RAG1: variants seen among roughly 807,000 people sequenced by gnomAD.
The protein encoded by RAG1 is V(D)J recombination-activating protein 1.
A neutral mutation model predicts 62.7 loss-of-function variants in RAG1; 35 were observed. The ratio of observed to expected loss-of-function variants is 0.56; its 90% CI spans 0.43 to 0.74. The LOEUF is 0.74. Ranked by LOEUF, RAG1 falls within the 30% of genes least tolerant of loss-of-function variation. RAG1 has a pLI of 0.00. For synonymous variants in RAG1, 461 were observed against 470.3 expected, an observed-to-expected ratio of 0.98 and a Z score of 0.26; for missense variants, 1,169 against 1,278.6, an observed-to-expected ratio of 0.91 and a Z score of 1.31.
intron 3 of RAG1, among the ~76,000 whole-genome samples, chr11:36,550,551 G>A (rs530977504): frequency 7.2e-5 from 11 of 152,096 alleles, no homozygotes; most frequent in Non-Finnish European, 1.6e-4. Flanking sequence ...TTATGGTTTT[G>A]AGGGTTAGAT....
At position 36,576,068 on chromosome 11, in the gene RAG1, C is replaced by T; in HGVS notation, c.2764C>T (p.Leu922Phe). ...TTTCAATTCACAGCGTTTTGCTGAGCTCCTTTCTACGAAGTTCAAGTATAG... is the reference window on the plus strand; with the variant it reads ...TTTCAATTCACAGCGTTTTGCTGAGTTCCTTTCTACGAAGTTCAAGTATAG... The part of the protein sequence containing the change: ...YSFNSQRFAE[L>F]LSTKFKYRYE... The change falls in exon 2 of 2, where the codon CTC (leucine) becomes TTC (phenylalanine). Residue 922 changes from leucine to phenylalanine, a missense_variant. By Grantham distance (22) the Leu-to-Phe change is conservative (BLOSUM62 0). This residue lies in a region of RAG1 where 800 missense variants were observed against 943.3 expected (regional missense o/e 0.85). Transcript: ENST00000299440. 1.2e-6 allele frequency: 2 copies of T among 1,614,064 alleles called. No individual in the cohort carries two copies. Among genetic ancestry groups the T allele is most frequent in the Non-Finnish European group, 1.7e-6 (2 of 1,180,034 alleles).
At chr11:36,566,075 G>T (rs1478132867), upstream of RAG1, among the ~76,000 whole-genome samples, 1 of 151,996 alleles carries the variant, frequency 6.6e-6, no homozygotes, top group Non-Finnish European at 1.5e-5. Flanking sequence ...TGTTAAATAT[G>T]ATTTGAAGAG....
At position 36,574,324 on chromosome 11, in the gene RAG1, G is replaced by A. The variant is rs766653036; in HGVS notation, c.1020G>A (p.Leu340=). Residue 340 remains leucine, a synonymous_variant, in exon 2 of 2, where the codon CTG becomes CTA. Coordinates refer to ENST00000299440, the MANE Select transcript of RAG1 (RefSeq NM_000448.3). ...SCRYPCFPTD[L]ESPVKSFLSV... is the part of the protein sequence containing the mutation. The stretch of plus-strand genomic sequence containing the variant: ...GATATCCATGCTTCCCTACTGACCT[G>A]GAGAGTCCAGTGAAGTCCTTTCTGA... 2 of 1,614,214 alleles carry A rather than the reference G, an allele frequency of 1.2e-6. No individual in the cohort carries two copies. Among genetic ancestry groups the A allele is most frequent in the Non-Finnish European group, 1.7e-6 (2 of 1,180,040 alleles).
At chr11:36,529,383 C>T (rs12274959) in intron 2 of RAG1, among the ~76,000 whole-genome samples, 4,119 of 152,078 alleles carry the variant, frequency 0.027, 189 homozygotes, top group African/African-American at 0.094. Flanking sequence ...ACAGAACCAA[C>T]GACAAAAACC....
rs528687977 is a variant in RAG1 at position 36,546,085 on chromosome 11, T to C, written c.-412+10051T>C. On this transcript the variant is annotated intron_variant and NMD_transcript_variant, in intron 3 of 9. Transcript: ENST00000534663. ...GATTTGGGGTGGAGAGTTCTGTAGA[T>C]GTCTATTAGGTCCACTTGGTCCAGA... 7.9e-5 allele frequency among the ~76,000 whole-genome samples: 12 copies of C among 152,324 alleles called. No homozygotes were observed. In the East Asian group the frequency reaches 1.5e-3, roughly 20 times the overall value.
chr11:36,541,402 A>G (rs1860415630), intron 3 of RAG1, among the ~76,000 whole-genome samples: 1 of 152,244 alleles, frequency 6.6e-6, no homozygotes, highest in Non-Finnish European at 1.5e-5. Context: ...TTTCACATGG[A>G]CATATATTAA....
intron 1 of RAG1, among the ~76,000 whole-genome samples, chr11:36,570,254 A>G (rs1850721405): frequency 6.6e-6 from 1 of 152,202 alleles, no homozygotes; most frequent in African/African-American, 2.4e-5. Context: ...TAGGTATTTT[A>G]TACCAATTTA....
chr11:36,518,649 C>G (rs1394291581), intron 1 of RAG1, among the ~76,000 whole-genome samples: 2 of 152,132 alleles, frequency 1.3e-5, no homozygotes, highest in Middle Eastern at 3.2e-3. Context: ...CTTTTGAGAA[C>G]TGTCTGTTCA....
chr11:36,533,592 T>C (rs1339525242), intron 2 of RAG1, among the ~76,000 whole-genome samples: 1 of 151,914 alleles, frequency 6.6e-6, no homozygotes. Flanking sequence ...CTCTTCCTTT[T>C]CATGGATTAT....
chr11:36,575,778 C>T lies in RAG1; in HGVS notation c.2474C>T (p.Ser825Phe). 1 of 1,614,160 alleles carries T rather than the reference C, an allele frequency of 6.2e-7. No homozygotes were observed. The change falls in exon 2 of 2, where the codon TCC (serine) becomes TTC (phenylalanine). Residue 825 changes from serine to phenylalanine, a missense_variant. Physicochemically the swap from Ser to Phe is radical, Grantham distance 155. This residue lies in a region of RAG1 where 800 missense variants were observed against 943.3 expected (regional missense o/e 0.85). Transcript: ENST00000299440. The surrounding 1 kb of genome is among the most constrained non-coding windows in gnomAD (Gnocchi z 4.1). Reference sequence around the variant, plus strand: ...GAAGTGTATAAGAATCCCAATGCTTCCAAAGAGGAAAGGAAAAGGTGGCAG... The same window carrying T: ...GAAGTGTATAAGAATCCCAATGCTTTCAAAGAGGAAAGGAAAAGGTGGCAG... ...IGEVYKNPNA[S>F]KEERKRWQAT...
At chr11:36,529,399 A>G (rs1860216392) in intron 2 of RAG1, among the ~76,000 whole-genome samples, 1 of 152,186 alleles carries the variant, frequency 6.6e-6, no homozygotes, top group South Asian at 2.1e-4. Context: ...AAACCACATG[A>G]TTATGTCAAT....
chr11:36,545,658 G>T (rs771851141), intron 3 of RAG1, among the ~76,000 whole-genome samples: 13 of 152,128 alleles, frequency 8.5e-5, no homozygotes, highest in Admixed American at 2.0e-4. Flanking sequence ...GGATCACTTT[G>T]TACTTTTTCC....
At chr11:36,527,573 T>C (rs1564976765) in intron 2 of RAG1, among the ~76,000 whole-genome samples, 2 of 152,186 alleles carry the variant, frequency 1.3e-5, no homozygotes, top group Non-Finnish European at 2.9e-5. Flanking sequence ...GCGGGCTCTT[T>C]TTTGGTTCCA....
Position 36,568,973 on chromosome 11 carries a change from G to A in RAG1, c.-15+851G>A, listed in dbSNP as rs183093085. On this transcript the variant is annotated intron_variant, in intron 1 of 1. Coordinates refer to ENST00000299440, the MANE Select transcript of RAG1 (RefSeq NM_000448.3). ...TAGTATTTGCAGAGTGAATGAATAA[G>A]TGGAACAGGTGTGATAATGAGAGGT... Among the ~76,000 whole-genome samples, 492 of 152,316 alleles carry A rather than the reference G, an allele frequency of 3.2e-3. 4 individuals carry two copies. The highest frequency in any genetic ancestry group is 4.6e-3 in the Non-Finnish European group (311 of 68,028).
At chr11:36,570,071 T>G (rs1850717667) in intron 1 of RAG1, among the ~76,000 whole-genome samples, 1 of 152,220 alleles carries the variant, frequency 6.6e-6, no homozygotes, top group Non-Finnish European at 1.5e-5. Flanking sequence ...ATTATTTATA[T>G]TGTTTCCTGC....
At chr11:36,563,966 T>C (rs941775709), upstream of RAG1, among the ~76,000 whole-genome samples, 1 of 152,232 alleles carries the variant, frequency 6.6e-6, no homozygotes, top group Non-Finnish European at 1.5e-5. Flanking sequence ...GTTCCTCCTA[T>C]GTCAATGTTT....
chr11:36,518,970 T>C (rs994434039), intron 1 of RAG1, among the ~76,000 whole-genome samples: 37 of 152,210 alleles, frequency 2.4e-4, no homozygotes, highest in Non-Finnish European at 8.8e-5. Context: ...CCAAGTAATG[T>C]TCATGTTCTG....
intron 3 of RAG1, among the ~76,000 whole-genome samples, chr11:36,549,020 G>A (rs1850443242): frequency 6.6e-6 from 1 of 152,118 alleles, no homozygotes. Flanking sequence ...CAAGCAATGG[G>A]GAAAGGATTC....
chr11:36,541,248 A>G (rs1050746105), intron 3 of RAG1, among the ~76,000 whole-genome samples: 9 of 152,200 alleles, frequency 5.9e-5, no homozygotes, highest in African/African-American at 2.2e-4. Flanking sequence ...TTGACTTTCC[A>G]TTGTCAGCTG....
Sources: gnomAD v4.1 joint callset for allele counts (sites outside exome capture counted in the v4.1 genomes callset) on GRCh38, gnomAD v4.1.1 for gene constraint, gnomAD v4.1.1 regional missense constraint, Gnocchi (gnomAD v3.1) non-coding constraint, MANE v1.5 for transcripts, NCBI Gene and HGNC (gene_info 2026-07-23, HGNC 2026-07-21) for gene names.